Variants in PLCB1 observed in about 807,000 individuals in gnomAD.
The protein encoded by PLCB1 is phospholipase C beta 1, also known as 1-phosphatidylinositol 4,5-bisphosphate phosphodiesterase beta-1.
PLCB1 carries 46 observed loss-of-function variants against 161.8 expected under a neutral mutation model. The ratio of observed to expected loss-of-function variants is 0.28; its 90% CI spans 0.22 to 0.36. The LOEUF (loss-of-function observed/expected upper bound fraction) is 0.36. Among genes scored for constraint, PLCB1 ranks in the 10% least tolerant of loss-of-function variants. The probability of loss-of-function intolerance (pLI) is 1.00; values close to 1 mark genes in which losing one functional copy is unlikely to be tolerated. For missense variants in PLCB1, 1,016 were observed against 1,472.5 expected (o/e 0.69, Z 5.07); for synonymous variants, 517 against 503.7 (o/e 1.03, Z -0.35).
rs188534803 is a variant in PLCB1 at position 8,723,085 on chromosome 20, C to G, written c.1581+664C>G. Among the ~76,000 whole-genome samples, 163 of 152,264 alleles carry G rather than the reference C, an allele frequency of 1.1e-3. 1 individual carries two copies. Among genetic ancestry groups the G allele is most frequent in the African/African-American group, 3.6e-3 (150 of 41,558 alleles). The stretch of plus-strand genomic sequence containing the variant: ...TTCAAATTTGTTAGATATGTTCTGT[C>G]TCAACGCTTGTAGCTCTACAATTTA... On this transcript the variant is annotated intron_variant, in intron 15 of 31. Transcript: ENST00000338037.
At chr20:8,449,813 G>A (rs1366225013) in intron 3 of PLCB1, among the ~76,000 whole-genome samples, 1 of 152,148 alleles carries the variant, frequency 6.6e-6, no homozygotes, top group African/African-American at 2.4e-5. Context: ...CTTGACCAAA[G>A]TGCTGTTTTG....
chr20:8,529,804 A>C (rs530496244), intron 3 of PLCB1, among the ~76,000 whole-genome samples: 3 of 152,170 alleles, frequency 2.0e-5, no homozygotes, highest in Admixed American at 1.3e-4. Context: ...ATTTCCAACA[A>C]TGTTGCTATG....
intron 31 of PLCB1, among the ~76,000 whole-genome samples, chr20:8,792,389 C>T (rs1037591744): frequency 6.6e-6 from 1 of 152,094 alleles, no homozygotes; most frequent in Admixed American, 6.5e-5. Flanking sequence ...TCATCAGGTA[C>T]CTGAACAAAA....
intron 3 of PLCB1, among the ~76,000 whole-genome samples, chr20:8,562,184 C>T (rs1259074287): frequency 5.9e-5 from 9 of 152,048 alleles, no homozygotes; most frequent in East Asian, 1.9e-4. Context: ...TCTTTAGCCT[C>T]GTTTCTTTAC....
At chr20:8,212,685 G>A (rs1181549112) in intron 2 of PLCB1, among the ~76,000 whole-genome samples, 1 of 152,062 alleles carries the variant, frequency 6.6e-6, no homozygotes, top group Non-Finnish European at 1.5e-5. Flanking sequence ...CAAAAGCATT[G>A]TTCACTGCTG....
intron 2 of PLCB1, among the ~76,000 whole-genome samples, chr20:8,170,946 A>G (rs2123068536): frequency 6.6e-6 from 1 of 152,306 alleles, no homozygotes. Context: ...CTCTATTGTT[A>G]ATGGATATGA....
intron 7 of PLCB1, chr20:8,649,801 C>A: frequency 3.8e-6 from 1 of 266,478 alleles, no homozygotes; most frequent in African/African-American, 2.1e-5. Flanking sequence ...ATTTTGATTC[C>A]TATATATTAT....
intron 3 of PLCB1, among the ~76,000 whole-genome samples, chr20:8,606,200 A>C (rs1987753492): frequency 6.6e-6 from 1 of 152,184 alleles, no homozygotes; most frequent in Non-Finnish European, 1.5e-5. Context: ...GTTTACATTT[A>C]ACGCTTTATT....
intron 3 of PLCB1, among the ~76,000 whole-genome samples, chr20:8,493,095 C>A: frequency 6.6e-6 from 1 of 152,058 alleles, no homozygotes; most frequent in South Asian, 2.1e-4. Context: ...CCAAGATCCC[C>A]TTCTGTAACA....
intron 3 of PLCB1, among the ~76,000 whole-genome samples, chr20:8,389,450 A>G (rs1043908714): frequency 2.0e-5 from 3 of 152,220 alleles, no homozygotes; most frequent in Non-Finnish European, 2.9e-5. Context: ...CTGGCAGCCA[A>G]GAACATTCTC....
chr20:8,452,451 C>T (rs1413179681), intron 3 of PLCB1, among the ~76,000 whole-genome samples: 1 of 152,124 alleles, frequency 6.6e-6, no homozygotes, highest in Non-Finnish European at 1.5e-5. Context: ...TCAAGGTCTT[C>T]CTATGAAAAT....
At chr20:8,863,263 G>A (rs1460680617) in intron 31 of PLCB1, among the ~76,000 whole-genome samples, 1 of 152,178 alleles carries the variant, frequency 6.6e-6, no homozygotes, top group Non-Finnish European at 1.5e-5. Flanking sequence ...TCAAATTTCA[G>A]TGGCATTAAA....
At chr20:8,849,970 G>T (rs573434708) in intron 31 of PLCB1, among the ~76,000 whole-genome samples, 3 of 152,112 alleles carry the variant, frequency 2.0e-5, no homozygotes, top group Non-Finnish European at 4.4e-5. Context: ...CCGAGATCAC[G>T]CCACTGCACT....
chr20:8,736,452 G>A lies in PLCB1; in HGVS notation c.2044-576G>A, dbSNP rs78472799. ...TCATTTATTCCTCCTACAATACTGT[G>A]TCTTATTAATTGACTACTTCTAACC... On this transcript the variant is annotated intron_variant, in intron 19 of 31. Coordinates refer to ENST00000338037, the MANE Select transcript of PLCB1 (RefSeq NM_015192.4). 7.5e-3 allele frequency among the ~76,000 whole-genome samples: 1,146 copies of A among 152,218 alleles called. 10 individuals carry two copies. The highest frequency in any genetic ancestry group is 0.026 in the African/African-American group (1,091 of 41,532).
intron 1 of PLCB1, among the ~76,000 whole-genome samples, chr20:8,143,381 G>A (rs918007123): frequency 6.6e-6 from 1 of 152,138 alleles, no homozygotes; most frequent in Admixed American, 6.5e-5. Context: ...ATTTGCTGCA[G>A]TACCTTCCAC....
intron 3 of PLCB1, among the ~76,000 whole-genome samples, chr20:8,498,016 C>T (rs755736187): frequency 6.6e-6 from 1 of 152,060 alleles, no homozygotes; most frequent in Non-Finnish European, 1.5e-5. Context: ...CATTATTTAT[C>T]TTTTAATAAG....
chr20:8,228,518 T>C (rs1401298535), intron 2 of PLCB1, among the ~76,000 whole-genome samples: 1 of 152,028 alleles, frequency 6.6e-6, no homozygotes, highest in Non-Finnish European at 1.5e-5. Flanking sequence ...CTGTTTTGTT[T>C]CGTTTCTGAG....
intron 2 of PLCB1, among the ~76,000 whole-genome samples, chr20:8,206,852 A>C (rs1978561121): frequency 6.6e-6 from 1 of 152,128 alleles, no homozygotes; most frequent in Non-Finnish European, 1.5e-5. Context: ...AATGATAAAA[A>C]GTTTCAAAAA....
chr20:8,807,942 A>T (rs776678980), intron 31 of PLCB1, among the ~76,000 whole-genome samples: 1 of 152,170 alleles, frequency 6.6e-6, no homozygotes, highest in Non-Finnish European at 1.5e-5. Flanking sequence ...GACTATGTTC[A>T]TCATTATAAA....
Sources: gnomAD v4.1 joint callset for allele counts (sites outside exome capture counted in the v4.1 genomes callset) on GRCh38, gnomAD v4.1.1 for gene constraint, MANE v1.5 for transcripts, NCBI Gene and HGNC (gene_info 2026-07-23, HGNC 2026-07-21) for gene names.